DNAH5: variants seen among roughly 807,000 people sequenced by gnomAD.
DNAH5 encodes dynein axonemal heavy chain 5.
DNAH5 carries 372 observed loss-of-function variants against 518.2 expected under a neutral mutation model. That is an observed-to-expected ratio of 0.72 (90% CI 0.66 to 0.78). The LOEUF (loss-of-function observed/expected upper bound fraction) is 0.78, where lower values mean the gene tolerates loss of function less well. Ranked by LOEUF, DNAH5 falls within the 30% of genes least tolerant of loss-of-function variation. The pLI is 0.00. For synonymous variants in DNAH5, 2,039 were observed against 2,025.9 expected (o/e 1.01, Z -0.17); for missense variants, 5,523 against 5,687.0 (o/e 0.97, Z 0.93).
chr5:13,933,307 T>G (rs16902953), intron 1 of DNAH5, among the ~76,000 whole-genome samples: 62,303 of 152,126 alleles, frequency 0.41, 14,387 homozygotes, highest in East Asian at 0.7. Context: ...TCAACAGCTC[T>G]TTCAACCAGC....
intron 30 of DNAH5, among the ~76,000 whole-genome samples, chr5:13,852,592 C>T (rs1199816547): frequency 6.6e-6 from 1 of 152,336 alleles, no homozygotes; most frequent in South Asian, 2.1e-4. Flanking sequence ...CCCATCCCCA[C>T]AGAACCCAGC....
At chr5:13,721,421 T>C (rs987941107) in intron 70 of DNAH5, among the ~76,000 whole-genome samples, 176 bp from the exon 71 acceptor site, 1 of 152,182 alleles carries the variant, frequency 6.6e-6, no homozygotes, top group African/African-American at 2.4e-5. Flanking sequence ...CTCCATTCTA[T>C]AGGTGGGAAA....
At chr5:13,872,431 T>C (rs1275861748) in intron 22 of DNAH5, among the ~76,000 whole-genome samples, 2 of 152,196 alleles carry the variant, frequency 1.3e-5, no homozygotes, top group Non-Finnish European at 2.9e-5. Context: ...GTCATCTTTT[T>C]CAAAAATTCC....
rs756856860 is a variant in DNAH5 at position 13,894,847 on chromosome 5, T to C, written c.2260-26A>G. 108 of 1,606,954 alleles carry C rather than the reference T, an allele frequency of 6.7e-5. 2 individuals are homozygous for C. The South Asian group carries it at 1.2e-3, about 17-fold the overall frequency. ...CTGCAATGAAATTGGGGTTAAGTAA[T>C]CAATTAATATCTCACTTCTAATGTC... On this transcript the variant is annotated intron_variant, in intron 15 of 78. Transcript: ENST00000265104.
chr5:13,817,787 G>A (rs1761649298), intron 41 of DNAH5, 93 bp from the exon 42 acceptor site: 1 of 1,223,204 alleles, frequency 8.2e-7, no homozygotes, highest in Non-Finnish European at 1.2e-6. Flanking sequence ...ACTGTCAGCA[G>A]GTGCTCAAAA....
rs1484394072 is a variant in DNAH5 at position 13,886,108 on chromosome 5, G to A, written c.2599C>T (p.Gln867Ter). 7.1e-6 allele frequency: 11 copies of A among 1,559,618 alleles called. No individual in the cohort carries two copies. The highest frequency in any genetic ancestry group is 9.6e-6 in the Non-Finnish European group (11 of 1,149,558). Reference sequence around the variant, plus strand: ...AATGAGCTTTTAAAATGTAGTATTTGTGCACCATTTACACAAAGATCCTAA... The same window carrying A: ...AATGAGCTTTTAAAATGTAGTATTTATGCACCATTTACACAAAGATCCTAA... Reference protein sequence around the residue: ...MTKDLCVNGAQILHFKSSLVE... With the variant: ...MTKDLCVNGA The change falls in exon 18 of 79, where the codon CAA (glutamine) becomes TAA (stop). Residue 867 changes from glutamine to a stop codon, truncating the protein, a stop_gained. Coordinates refer to ENST00000265104, the MANE Select transcript of DNAH5 (RefSeq NM_001369.3). LOFTEE classifies it high-confidence loss of function.
In DNAH5 at chr5:13,776,537, C is replaced by T; in HGVS notation, c.9275G>A (p.Gly3092Glu). The T allele has an allele frequency of 6.2e-7, 1 of 1,613,922 alleles. No homozygotes were observed. Among genetic ancestry groups the T allele is most frequent in the Non-Finnish European group, 8.5e-7 (1 of 1,179,868 alleles). The change falls in exon 55 of 79, where the codon GGG becomes GAG. Residue 3092 changes from glycine (G) to glutamate (E), a missense_variant. Coordinates refer to ENST00000265104, the MANE Select transcript of DNAH5 (RefSeq NM_001369.3). ...CAAAGCTCTGTTTCGAAATTTCTCCCCCACTGGCGAGAAGCAGAGCACAAT... is the reference window on the plus strand; with the variant it reads ...CAAAGCTCTGTTTCGAAATTTCTCCTCCACTGGCGAGAAGCAGAGCACAAT... Reference protein sequence around the residue: ...LHIVLCFSPVGEKFRNRALKF... With the variant: ...LHIVLCFSPVEEKFRNRALKF...
At chr5:13,856,000 T>G (rs1165011747) in intron 30 of DNAH5, among the ~76,000 whole-genome samples, 5 of 152,170 alleles carry the variant, frequency 3.3e-5, no homozygotes, top group Non-Finnish European at 2.9e-5. Context: ...TAAAGCACTG[T>G]TTAGAGGGAA....
chr5:13,917,479 C>A (rs1440981460), intron 7 of DNAH5, among the ~76,000 whole-genome samples: 3 of 152,196 alleles, frequency 2.0e-5, no homozygotes, highest in Non-Finnish European at 2.9e-5. Flanking sequence ...CATATAAAAT[C>A]TATGCTATGA....
At chr5:13,706,013 C>T (rs1042037670) in intron 76 of DNAH5, among the ~76,000 whole-genome samples, 1 of 152,194 alleles carries the variant, frequency 6.6e-6, no homozygotes, top group Admixed American at 6.5e-5. Flanking sequence ...AAACAAACTT[C>T]TGTTGCTTAA....
chr5:13,783,581 G>C (rs569502703), intron 52 of DNAH5, among the ~76,000 whole-genome samples: 3 of 152,256 alleles, frequency 2.0e-5, no homozygotes, highest in Admixed American at 2.0e-4. Flanking sequence ...GACTCGGGAG[G>C]CTGGCTGGTA....
In DNAH5 at chr5:13,691,990, G is replaced by A; in HGVS notation, c.13869C>T (p.Val4623=). 1.2e-6 allele frequency: 2 copies of A among 1,614,084 alleles called. No individual in the cohort carries two copies. The highest frequency in any genetic ancestry group is 1.1e-5 in the South Asian group (1 of 91,070). ...VLRGVALLCD[V]K ...TGGGGACACTCCCCACATGTTACTT[G>A]ACATCACACAGAAGGGCAACCCCAC... Residue 4623 remains valine (V), a synonymous_variant, in exon 79 of 79, where the codon GTC becomes GTT. Coordinates refer to ENST00000265104, the MANE Select transcript of DNAH5 (RefSeq NM_001369.3).
At chr5:13,836,353 T>C (rs886185192) in intron 35 of DNAH5, among the ~76,000 whole-genome samples, 5 of 152,100 alleles carry the variant, frequency 3.3e-5, no homozygotes, top group African/African-American at 1.2e-4. Flanking sequence ...TGGGATCACC[T>C]AAAGAATGAG....
At chr5:14,003,097 C>T (rs532534961) in intron 1 of DNAH5, among the ~76,000 whole-genome samples, 59 of 152,172 alleles carry the variant, frequency 3.9e-4, no homozygotes, top group African/African-American at 1.4e-3. Flanking sequence ...CTGATAGTCA[C>T]CTAATAATAG....
At position 13,885,100 on chromosome 5, in the gene DNAH5, A is replaced by T. The variant is rs1278849649; in HGVS notation, c.2872T>A (p.Leu958Ile). Reference protein sequence around the residue: ...TEMLGEEARELLSHFNHQNMD... With the variant: ...TEMLGEEAREILSHFNHQNMD... Reference sequence around the variant, plus strand: ...TTCTGATGGTTGAAATGAGAGAGTAACTCGCGGGCTTCTTCCCCTAACATC... The same window carrying T: ...TTCTGATGGTTGAAATGAGAGAGTATCTCGCGGGCTTCTTCCCCTAACATC... Residue 958 changes from leucine (L) to isoleucine (I), a missense_variant, in exon 19 of 79, where the codon TTA becomes ATA. By Grantham distance (5) the Leu-to-Ile change is conservative. This residue lies in a region of DNAH5 where 5,121 missense variants were observed against 5,223.3 expected (regional missense o/e 0.98). Coordinates refer to ENST00000265104, the MANE Select transcript of DNAH5 (RefSeq NM_001369.3). The T allele has an allele frequency of 6.2e-7, 1 of 1,614,098 alleles. No homozygotes were observed. The highest frequency in any genetic ancestry group is 8.5e-7 in the Non-Finnish European group (1 of 1,180,022).
chr5:13,900,593 G>T (rs1774472071), intron 14 of DNAH5, 181 bp from the exon 15 acceptor site: 1 of 626,346 alleles, frequency 1.6e-6, no homozygotes, highest in Non-Finnish European at 2.8e-6. Flanking sequence ...TAGCCTTCAA[G>T]TTCTTGGTGT....
At chr5:13,887,694 A>C (rs1772627455) in intron 17 of DNAH5, among the ~76,000 whole-genome samples, 1 of 152,174 alleles carries the variant, frequency 6.6e-6, no homozygotes, top group South Asian at 2.1e-4. Context: ...TCCCTGGTTC[A>C]TGCCCTCTCC....
At position 13,922,128 on chromosome 5, in the gene DNAH5, T is replaced by C. The variant is rs1428773142; in HGVS notation, c.639A>G (p.Ala213=). ...TCACCTTCTCCTTCAGACTCTCCTG[T>C]GCACCCGACAGGACGTTCACAAAGC... is the stretch of plus-strand genomic sequence containing the variant. ...LEGFVNVLSG[A]QESLKEKVNL... is the part of the protein sequence containing the mutation. Residue 213 remains alanine (A), a synonymous_variant, in exon 5 of 79, where the codon GCA becomes GCG. Coordinates refer to ENST00000265104, the MANE Select transcript of DNAH5 (RefSeq NM_001369.3). 1 of 1,614,120 alleles carries C rather than the reference T, an allele frequency of 6.2e-7. No homozygotes were observed. Among genetic ancestry groups the C allele is most frequent in the Non-Finnish European group, 8.5e-7 (1 of 1,180,008 alleles).
At chr5:13,766,256 GCTA>G in intron 58 of DNAH5, 77 bp from the exon 59 acceptor site, 1 of 1,496,558 alleles carries the variant, frequency 6.7e-7, no homozygotes, top group Non-Finnish European at 9.3e-7. Context: ...TCCAAATGCT[GCTA>G]TTTCAACAGA....
Sources: gnomAD v4.1 joint callset for allele counts (sites outside exome capture counted in the v4.1 genomes callset) on GRCh38, gnomAD v4.1.1 for gene constraint, gnomAD v4.1.1 regional missense constraint, MANE v1.5 for transcripts, NCBI Gene and HGNC (gene_info 2026-07-23, HGNC 2026-07-21) for gene names.